ZNF804B: variants seen among roughly 807,000 people sequenced by gnomAD.
ZNF804B encodes zinc finger 804B.
A neutral mutation model predicts 101.4 loss-of-function variants in ZNF804B; 80 were observed. The observed-to-expected ratio is 0.79, with a 90% CI of 0.66 to 0.95. The LOEUF (loss-of-function observed/expected upper bound fraction) is 0.95. ZNF804B is among the 40% of genes least tolerant of loss of function. ZNF804B has a pLI of 0.00. For missense variants in ZNF804B, 1,673 were observed against 1,561.9 expected (o/e 1.07, Z -1.20); for synonymous variants, 622 against 558.8 (o/e 1.11, Z -1.59).
intron 1 of ZNF804B, among the ~76,000 whole-genome samples, chr7:88,897,184 G>C (rs190689428): frequency 5.3e-5 from 8 of 152,144 alleles, no homozygotes; most frequent in Admixed American, 5.2e-4. Flanking sequence ...TTGCAGAGAG[G>C]CTTAAGTTAA....
chr7:88,854,529 T>TCCTTTCCTTTCCTTTCCTTTCCTTC lies in ZNF804B; in HGVS notation c.108+94449_108+94450insTCCTTTCCTTTCCTTTCCTTCCCTT, dbSNP rs1562812904. 8.6e-5 allele frequency among the ~76,000 whole-genome samples: 5 copies of TCCTTTCCTTTCCTTTCCTTTCCTTC among 57,920 alleles called. 1 individual carries two copies. The highest frequency in any genetic ancestry group is 2.1e-4 in the Admixed American group (1 of 4,724). 38.0% of individuals were successfully genotyped at this position (57,920 alleles called of 152,430 possible). ...TTCCTTTCCTTTCCTTTCCTTCCTT[T>TCCTTTCCTTTCCTTTCCTTTCCTTC]CCTTCCTTCCTTCCTTCCTTCCTTC... On this transcript the variant is annotated intron_variant, in intron 1 of 3. Coordinates refer to ENST00000333190, the MANE Select transcript of ZNF804B (RefSeq NM_181646.5).
chr7:88,959,290 T>C (rs11977842), intron 1 of ZNF804B, among the ~76,000 whole-genome samples: 8,865 of 151,440 alleles, frequency 0.059, 629 homozygotes, highest in African/African-American at 0.17. Context: ...TTATGTTACC[T>C]TGTTACTACA....
intron 1 of ZNF804B, among the ~76,000 whole-genome samples, chr7:89,155,365 G>A (rs370642285): frequency 1.3e-5 from 2 of 152,052 alleles, no homozygotes; most frequent in African/African-American, 2.4e-5. Flanking sequence ...TAAATGATAT[G>A]ATTTCTCATC....
At chr7:88,990,196 G>A (rs1793825206) in intron 1 of ZNF804B, among the ~76,000 whole-genome samples, 1 of 151,828 alleles carries the variant, frequency 6.6e-6, no homozygotes, top group African/African-American at 2.4e-5. Context: ...AAAGCTTGAT[G>A]CTTATAAGAC....
At chr7:89,120,751 A>G (rs533090080) in intron 1 of ZNF804B, among the ~76,000 whole-genome samples, 3 of 152,032 alleles carry the variant, frequency 2.0e-5, no homozygotes, top group South Asian at 4.2e-4. Context: ...ATTGTTTTTA[A>G]TTTCCATTTT....
At chr7:89,041,560 C>A (rs544010439) in intron 1 of ZNF804B, among the ~76,000 whole-genome samples, 128 of 152,312 alleles carry the variant, frequency 8.4e-4, no homozygotes, top group Non-Finnish European at 1.4e-3. Context: ...TCTTTAAGGA[C>A]TGGCCTGGCA....
intron 1 of ZNF804B, among the ~76,000 whole-genome samples, chr7:89,069,675 A>G (rs1252426837): frequency 6.6e-6 from 1 of 152,148 alleles, no homozygotes; most frequent in Admixed American, 6.6e-5. Context: ...AACTGTATAC[A>G]GTATGGTCTA....
rs143347626 is a variant in ZNF804B, at chr7:89,000,515, C to T, written c.109-217640C>T. ...GTATACAAGGTGATGATTTGATATA[C>T]ATATATTTCGTGAATTAATCAAATT... On this transcript the variant is annotated intron_variant, in intron 1 of 3. Transcript: ENST00000333190. 1.2e-4 allele frequency among the ~76,000 whole-genome samples: 18 copies of T among 152,034 alleles called. No homozygotes were observed. In the East Asian group the frequency reaches 2.7e-3, roughly 23 times the overall value.
chr7:88,856,573 C>T (rs1297070260), intron 1 of ZNF804B, among the ~76,000 whole-genome samples: 2 of 152,128 alleles, frequency 1.3e-5, no homozygotes, highest in Admixed American at 1.3e-4. Flanking sequence ...TTGACTTCCT[C>T]TTTTCCTAAT....
rs1193100327 is a variant in ZNF804B at position 89,265,316 on chromosome 7, G to A, written c.249+47021G>A. Among the ~76,000 whole-genome samples the A allele has an allele frequency of 3.3e-5, 5 of 151,888 alleles. No homozygotes were observed. The East Asian group carries it at 7.7e-4, about 23-fold the overall frequency. On this transcript the variant is annotated intron_variant, in intron 2 of 3. Transcript: ENST00000333190. ...TGTGCGCGTGCGCGCGCGCACACAT[G>A]CACGTGCACAGGCACACACTTGATT...
Position 89,012,712 on chromosome 7 carries a change from T to G in ZNF804B, c.109-205443T>G, listed in dbSNP as rs867353105. On this transcript the variant is annotated intron_variant, in intron 1 of 3. Transcript: ENST00000333190. ...GGAAGTTCCAAACTTTCCCATATTT[T>G]CTTGTCTTATTCTGAGCCCTCTAAA... Among the ~76,000 whole-genome samples the G allele has an allele frequency of 1.1e-4, 17 of 152,274 alleles. 1 individual carries two copies. In the Middle Eastern group the frequency reaches 0.014, roughly 122 times the overall value.
At chr7:89,172,293 C>T (rs1027858027) in intron 1 of ZNF804B, among the ~76,000 whole-genome samples, 5 of 152,030 alleles carry the variant, frequency 3.3e-5, no homozygotes. Flanking sequence ...GAAGAGGGCA[C>T]CAGTTTGCAG....
intron 1 of ZNF804B, among the ~76,000 whole-genome samples, chr7:89,162,079 A>T (rs1791073607): frequency 6.6e-6 from 1 of 152,124 alleles, no homozygotes; most frequent in Admixed American, 6.6e-5. Flanking sequence ...GTTTAAGATT[A>T]GTATCTGTAT....
At chr7:88,775,775 A>T (rs1192025063) in intron 1 of ZNF804B, among the ~76,000 whole-genome samples, 1 of 152,204 alleles carries the variant, frequency 6.6e-6, no homozygotes, top group Non-Finnish European at 1.5e-5. Flanking sequence ...CCACTGAAAT[A>T]TGAGCCCTTT....
At chr7:89,329,555 T>A (rs1181604617) in intron 3 of ZNF804B, among the ~76,000 whole-genome samples, 1 of 151,606 alleles carries the variant, frequency 6.6e-6, no homozygotes, top group Admixed American at 6.6e-5. Context: ...AGAGGTGAAT[T>A]TACTGGTAGT....
intron 1 of ZNF804B, among the ~76,000 whole-genome samples, chr7:88,963,905 C>T (rs1443283231): frequency 1.3e-5 from 2 of 151,238 alleles, no homozygotes; most frequent in African/African-American, 4.8e-5. Flanking sequence ...AAATGCCCAA[C>T]AAATGCATGA....
chr7:88,869,671 C>T (rs1311819874), intron 1 of ZNF804B, among the ~76,000 whole-genome samples: 2 of 152,104 alleles, frequency 1.3e-5, no homozygotes. Context: ...TTTCAGCCTC[C>T]TTTAAATATA....
chr7:89,167,840 A>G (rs560736765), intron 1 of ZNF804B, among the ~76,000 whole-genome samples: 1 of 152,266 alleles, frequency 6.6e-6, no homozygotes, highest in Admixed American at 6.5e-5. Flanking sequence ...TCCTTATTAT[A>G]TAAGTAACCT....
chr7:89,187,261 A>G (rs1052796268), intron 1 of ZNF804B, among the ~76,000 whole-genome samples: 6 of 152,168 alleles, frequency 3.9e-5, no homozygotes, highest in East Asian at 1.9e-4. Flanking sequence ...TGTTTCTAAC[A>G]TAGAAACTCA....
Sources: gnomAD v4.1 joint callset for allele counts (sites outside exome capture counted in the v4.1 genomes callset) on GRCh38, gnomAD v4.1.1 for gene constraint, MANE v1.5 for transcripts, NCBI Gene and HGNC (gene_info 2026-07-23, HGNC 2026-07-21) for gene names.